The following HEMK2 variants were observed in gnomAD, a reference collection of about 807,000 sequenced individuals.
The protein encoded by HEMK2 is methyltransferase HEMK2.
the HEMK2 span, among the ~76,000 whole-genome samples, chr21:28,742,333 A>C: frequency 4.4e-4 from 67 of 152,346 alleles, no homozygotes; most frequent in Admixed American, 7.2e-4. Context: ...CCTCGGTCTT[A>C]AAGCAACCCT....
At chr21:28,860,770 T>C in the HEMK2 span, among the ~76,000 whole-genome samples, 1 of 152,092 alleles carries the variant, frequency 6.6e-6, no homozygotes, top group Non-Finnish European at 1.5e-5. Context: ...AAGTGTGGGA[T>C]AGTGGTGGAA....
the HEMK2 span, among the ~76,000 whole-genome samples, chr21:28,771,696 G>C: frequency 5.3e-5 from 8 of 152,026 alleles, no homozygotes; most frequent in Admixed American, 1.3e-4. Context: ...CTTTTACTAT[G>C]ACTTTCCAAG....
At chr21:28,581,480 G>T in the HEMK2 span, among the ~76,000 whole-genome samples, 2 of 79,818 alleles carry the variant, frequency 2.5e-5, no homozygotes, top group Non-Finnish European at 5.6e-5. Context: ...ACAGCTGAGG[G>T]AAACTTAACC....
chr21:28,673,208 A>G, the HEMK2 span, among the ~76,000 whole-genome samples: 1 of 152,064 alleles, frequency 6.6e-6, no homozygotes. Flanking sequence ...AAACAGAAAG[A>G]AGAAAGGATG....
At chr21:28,866,475 T>A in the HEMK2 span, among the ~76,000 whole-genome samples, 3 of 151,336 alleles carry the variant, frequency 2.0e-5, no homozygotes, top group Non-Finnish European at 4.4e-5. Context: ...GCACACATTC[T>A]TCTCTACAGT....
At chr21:28,752,526 A>G in the HEMK2 span, among the ~76,000 whole-genome samples, 2 of 152,210 alleles carry the variant, frequency 1.3e-5, no homozygotes, top group Non-Finnish European at 2.9e-5. Flanking sequence ...GCAATATAGT[A>G]TATGTTTTCT....
At chr21:28,719,167 T>C in the HEMK2 span, among the ~76,000 whole-genome samples, 1,662 of 152,264 alleles carry the variant, frequency 0.011, 25 homozygotes, top group African/African-American at 0.038. Flanking sequence ...AGCATTGCAA[T>C]TGAGCATCAT....
the HEMK2 span, among the ~76,000 whole-genome samples, chr21:28,594,351 T>C: frequency 6.6e-6 from 1 of 152,160 alleles, no homozygotes; most frequent in Non-Finnish European, 1.5e-5. Context: ...TAATTAATAA[T>C]AATGTACTCA....
At chr21:28,648,823 TGTGCACAAC>T in the HEMK2 span, among the ~76,000 whole-genome samples, 3 of 152,186 alleles carry the variant, frequency 2.0e-5, no homozygotes, top group Admixed American at 6.5e-5. Flanking sequence ...TTAGGGTACA[TGTGCACAAC>T]GTGCAGGTTA....
At chr21:28,726,545 C>T in the HEMK2 span, among the ~76,000 whole-genome samples, 1 of 152,148 alleles carries the variant, frequency 6.6e-6, no homozygotes, top group South Asian at 2.1e-4. Context: ...TTTATTATAG[C>T]AGTGTCTTTC....
At chr21:28,872,586 T>C in the HEMK2 span, 4 of 152,202 alleles carry the variant, frequency 2.6e-5, no homozygotes, top group African/African-American at 9.6e-5. Flanking sequence ...ATATATCTTT[T>C]ACCAGTACTA....
the HEMK2 span, among the ~76,000 whole-genome samples, chr21:28,693,072 A>C: frequency 6.6e-6 from 1 of 152,172 alleles, no homozygotes; most frequent in Non-Finnish European, 1.5e-5. Context: ...GGAATTAGAT[A>C]GTGGTGATGA....
At chr21:28,680,163 TA>T in the HEMK2 span, among the ~76,000 whole-genome samples, 3 of 151,684 alleles carry the variant, frequency 2.0e-5, no homozygotes, top group Non-Finnish European at 4.4e-5. Context: ...GCAAGACTAA[TA>T]AAGAAGAAAA....
At chr21:28,757,245 C>T in the HEMK2 span, among the ~76,000 whole-genome samples, 1 of 151,964 alleles carries the variant, frequency 6.6e-6, no homozygotes, top group Non-Finnish European at 1.5e-5. Flanking sequence ...GAAGAGAACC[C>T]AATTATGGTT....
chr21:28,862,145 A>G, the HEMK2 span, among the ~76,000 whole-genome samples: 1 of 152,210 alleles, frequency 6.6e-6, no homozygotes, highest in Non-Finnish European at 1.5e-5. Context: ...TGCATAGAAT[A>G]CAGGAGATTA....
At chr21:28,684,457 C>T in the HEMK2 span, among the ~76,000 whole-genome samples, 4 of 152,280 alleles carry the variant, frequency 2.6e-5, no homozygotes, top group South Asian at 2.1e-4. Flanking sequence ...CACCTAATTT[C>T]GAGTCTGTCA....
the HEMK2 span, among the ~76,000 whole-genome samples, chr21:28,672,100 C>A: frequency 6.6e-6 from 1 of 151,836 alleles, no homozygotes; most frequent in Non-Finnish European, 1.5e-5. Flanking sequence ...AAAGCAAACT[C>A]CCAAAAAAAG....
chr21:28,583,351 A>C, the HEMK2 span, among the ~76,000 whole-genome samples: 2 of 152,146 alleles, frequency 1.3e-5, no homozygotes, highest in African/African-American at 4.8e-5. Flanking sequence ...ATGGCTGTAG[A>C]TTATTGAGCA....
the HEMK2 span, among the ~76,000 whole-genome samples, chr21:28,741,595 ATG>A: frequency 6.6e-6 from 1 of 151,942 alleles, no homozygotes; most frequent in Non-Finnish European, 1.5e-5. Context: ...GTTCCCCTCT[ATG>A]TGTCTCTGCG....
Sources: gnomAD v4.1 joint callset for allele counts (sites outside exome capture counted in the v4.1 genomes callset) on GRCh38, gnomAD v4.1.1 for gene constraint, MANE v1.5 for transcripts, NCBI Gene and HGNC (gene_info 2026-07-23, HGNC 2026-07-21) for gene names.